The following WNT5B variants were observed in gnomAD, a reference collection of about 807,000 sequenced individuals.
The protein encoded by WNT5B is Wnt family member 5B.
Under a neutral mutation model 36.5 loss-of-function variants are expected in WNT5B, and 18 were observed. The observed-to-expected ratio is 0.49, with a 90% confidence interval of 0.34 to 0.73. WNT5B has a LOEUF of 0.73. Among genes scored for constraint, WNT5B ranks in the 30% least tolerant of loss-of-function variants. The pLI, the probability that WNT5B is intolerant of heterozygous loss-of-function variation, is 0.01. For missense variants in WNT5B, 424 were observed against 508.4 expected, an observed-to-expected ratio of 0.83 and a Z score of 1.60; for synonymous variants, 213 against 212.3, an observed-to-expected ratio of 1.00 and a Z score of -0.03.
chr12:1,636,785 G>A (rs1159042836), intron 3 of WNT5B, among the ~76,000 whole-genome samples: 2 of 150,622 alleles, frequency 1.3e-5, no homozygotes, highest in African/African-American at 2.4e-5. Context: ...GTGTGATCTC[G>A]GCTCACTGCA....
chr12:1,629,101 G>A (rs989596146), upstream of WNT5B: 1 of 152,154 alleles, frequency 6.6e-6, no homozygotes, highest in African/African-American at 2.4e-5. Flanking sequence ...AAAGCCCGGG[G>A]CGGGGGATGG....
At chr12:1,639,433 G>T (rs1251654952) in intron 3 of WNT5B, among the ~76,000 whole-genome samples, 1 of 152,082 alleles carries the variant, frequency 6.6e-6, no homozygotes, top group Non-Finnish European at 1.5e-5. Flanking sequence ...CACCGCGCCG[G>T]GCCAGGGACT....
chr12:1,630,370 T>C lies in WNT5B; in HGVS notation c.-57-928T>C, dbSNP rs2154439517. ...CTGACCTGCTGCGGGTCCCAGGGCC[T>C]GGGGACAGGGGCTCTCGGGGGCGGA... On this transcript the variant is annotated intron_variant, in intron 1 of 4. Transcript: ENST00000397196. The surrounding 1 kb of genome is among the most constrained non-coding windows in gnomAD (Gnocchi z 5.3). The C allele has an allele frequency of 4.7e-6, 2 of 428,694 alleles. No homozygotes were observed. Among genetic ancestry groups the C allele is most frequent in the Non-Finnish European group, 6.2e-6 (2 of 322,028 alleles). The allele number at this position is 428,694 out of a possible 1,614,324, so 26.6% of individuals were successfully genotyped here.
In WNT5B at chr12:1,646,298, G is replaced by A. The variant is rs1565614548; in HGVS notation, c.*46G>A. 2 of 1,466,700 alleles carry A rather than the reference G, an allele frequency of 1.4e-6. No individual in the cohort carries two copies. The highest frequency in any genetic ancestry group is 1.4e-5 in the African/African-American group (1 of 69,910). 90.9% of individuals were successfully genotyped at this position (1,466,700 alleles called of 1,614,324 possible). On this transcript the variant is annotated 3_prime_UTR_variant, in exon 5 of 5. Transcript: ENST00000397196. ...CCCCCCTGCACTCTGCCTCACAAAG[G>A]TCTATATTATATAAATCTATATAAA... is the stretch of plus-strand genomic sequence containing the variant.
rs1462021326 is a variant in WNT5B, at chr12:1,633,017, GCT to G, written c.328+119_328+120del. ...GAGAGCCCAAAGGCAGCCTAAGTGG[GCT>G]CTCTCTAGGCTTGGCAGCAGTGTGC... On this transcript the variant is annotated intron_variant, in intron 3 of 4. Transcript: ENST00000397196. This position sits in a 1 kb window ranked among gnomAD's most constrained non-coding sequence, Gnocchi z 4.8. 6.9e-7 allele frequency: 1 copy of G among 1,457,976 alleles called. No individual in the cohort carries two copies. Among genetic ancestry groups the G allele is most frequent in the Non-Finnish European group, 9.1e-7 (1 of 1,093,838 alleles). 90.3% of individuals were successfully genotyped at this position (1,457,976 alleles called of 1,614,324 possible). A position where few individuals can be genotyped will look rare whatever the true frequency, so the allele number is the denominator to read the frequency against.
intron 1 of WNT5B, among the ~76,000 whole-genome samples, chr12:1,617,436 A>G (rs1314534980): frequency 6.6e-6 from 1 of 151,652 alleles, no homozygotes; most frequent in Non-Finnish European, 1.5e-5. Flanking sequence ...GGAGTTCAAG[A>G]CTAGTCTGGG....
At position 1,636,497 on chromosome 12, in the gene WNT5B, CTATATATATATATATATATATATATA is replaced by C. The variant is rs56095993; in HGVS notation, c.329-3168_329-3143del. On this transcript the variant is annotated intron_variant, in intron 3 of 4. Coordinates refer to ENST00000397196, the MANE Select transcript of WNT5B (RefSeq NM_032642.3). ...TTTAAAGGTTCATCTGTGTTGCAGT[CTATATATATATATATATATATATATA>C]TATATATATATATATATACTTTTTT... is the stretch of plus-strand genomic sequence containing the variant. Among the ~76,000 whole-genome samples the C allele has an allele frequency of 4.1e-4, 33 of 81,122 alleles. 1 individual carries two copies. The highest frequency in any genetic ancestry group is 2.8e-3 in the South Asian group (6 of 2,118). 53.2% of individuals were successfully genotyped at this position (81,122 alleles called of 152,430 possible).
In WNT5B at chr12:1,639,670, GCC is replaced by G. The variant is rs2094570332; in HGVS notation, c.329-13_329-12del. The G allele has an allele frequency of 1.3e-6, 2 of 1,526,474 alleles. No individual in the cohort carries two copies. Among genetic ancestry groups the G allele is most frequent in the African/African-American group, 2.8e-5 (2 of 71,600 alleles). The allele number at this position is 1,526,474 out of a possible 1,614,324, so 94.6% of individuals were successfully genotyped here. A position where few individuals can be genotyped will look rare whatever the true frequency, so the allele number is the denominator to read the frequency against. Reference sequence around the variant, plus strand: ...GAGAGCGCACCCGCTTACCGCCCTGGCCTCATTCTGCAGGCAGCCGAGAGACC... The same window carrying G: ...GAGAGCGCACCCGCTTACCGCCCTGGTCATTCTGCAGGCAGCCGAGAGACC... On this transcript the variant is annotated splice_polypyrimidine_tract_variant and intron_variant, in intron 3 of 4. Coordinates refer to ENST00000397196, the MANE Select transcript of WNT5B (RefSeq NM_032642.3).
Position 1,633,083 on chromosome 12 carries a change from G to C in WNT5B, c.328+178G>C, listed in dbSNP as rs79248361. On this transcript the variant is annotated intron_variant, in intron 3 of 4. Coordinates refer to ENST00000397196, the MANE Select transcript of WNT5B (RefSeq NM_032642.3). The surrounding 1 kb of genome is among the most constrained non-coding windows in gnomAD (Gnocchi z 4.8). Reference sequence around the variant, plus strand: ...CACACGAGGAAGCAGGCTCTGGGAGGCTGCAGAAACCACACGCTTGATGTT... The same window carrying C: ...CACACGAGGAAGCAGGCTCTGGGAGCCTGCAGAAACCACACGCTTGATGTT... Among the ~76,000 whole-genome samples the C allele has an allele frequency of 6.6e-6, 1 of 152,170 alleles. No homozygotes were observed. The highest frequency in any genetic ancestry group is 6.5e-5 in the Admixed American group (1 of 15,282).
intron 4 of WNT5B, among the ~76,000 whole-genome samples, chr12:1,643,609 G>A (rs369344328): frequency 2.7e-5 from 4 of 148,572 alleles, no homozygotes; most frequent in East Asian, 2.0e-4. Flanking sequence ...CAGGTGATCC[G>A]CCCGCCTTGG....
chr12:1,626,843 T>G (rs34211465), upstream of WNT5B, among the ~76,000 whole-genome samples: 18,570 of 151,982 alleles, frequency 0.12, 1,334 homozygotes, highest in African/African-American at 0.2. Flanking sequence ...GGGGTTACAG[T>G]TGTGAGCCAC....
intron 3 of WNT5B, among the ~76,000 whole-genome samples, chr12:1,639,249 T>A (rs936108395): frequency 2.0e-5 from 3 of 151,328 alleles, no homozygotes; most frequent in Non-Finnish European, 4.4e-5. Flanking sequence ...GCCATTCTCC[T>A]GCCTCAGCCT....
At position 1,623,187 on chromosome 12, in the gene WNT5B, G is replaced by GTTTTTTTTTTTTTTTTTTTTTTT. The variant is rs771500550; in HGVS notation, c.-58+6048_-58+6070dup. On this transcript the variant is annotated intron_variant, in intron 1 of 4. Coordinates refer to the WNT5B transcript ENST00000310594. ...GGAAACCTTTGAAGGGTTTTTTGTT[G>GTTTTTTTTTTTTTTTTTTTTTTT]TTTTTTTTTTTTTTTTTTTTTTTTT... 1.5e-4 allele frequency among the ~76,000 whole-genome samples: 9 copies of GTTTTTTTTTTTTTTTTTTTTTTT among 58,380 alleles called. 1 individual carries two copies. Among genetic ancestry groups the GTTTTTTTTTTTTTTTTTTTTTTT allele is most frequent in the African/African-American group, 5.0e-4 (7 of 13,900 alleles). The allele number at this position is 58,380 out of a possible 152,430, so 38.3% of individuals were successfully genotyped here. A position where few individuals can be genotyped will look rare whatever the true frequency, so the allele number is the denominator to read the frequency against.
At position 1,630,505 on chromosome 12, in the gene WNT5B, T is replaced by C. The variant is rs2094548515; in HGVS notation, c.-57-793T>C. Among the ~76,000 whole-genome samples the C allele has an allele frequency of 6.6e-6, 1 of 151,980 alleles. No individual in the cohort carries two copies. Among genetic ancestry groups the C allele is most frequent in the Non-Finnish European group, 1.5e-5 (1 of 67,958 alleles). ...GAAGATGCGTCCTCAGCTCAGGCAT[T>C]TGATGCCAGAGCTGCCGCCTGGCGT... On this transcript the variant is annotated intron_variant, in intron 1 of 4. Coordinates refer to ENST00000397196, the MANE Select transcript of WNT5B (RefSeq NM_032642.3). The surrounding 1 kb of genome is among the most constrained non-coding windows in gnomAD (Gnocchi z 5.3).
upstream of WNT5B, among the ~76,000 whole-genome samples, chr12:1,626,665 C>T (rs193048284): frequency 2.4e-4 from 36 of 150,942 alleles, no homozygotes; most frequent in Admixed American, 1.2e-3. Flanking sequence ...CCCAGGTTCA[C>T]GCCATTCTCC....
At chr12:1,645,736 C>T in intron 4 of WNT5B, 58 bp from the exon 5 acceptor site, 3 of 1,508,604 alleles carry the variant, frequency 2.0e-6, no homozygotes, top group Admixed American at 2.1e-5. Flanking sequence ...CCCCAGCCAC[C>T]CTCTGGGCCT....
At chr12:1,620,545 T>G (rs1262292935) in intron 1 of WNT5B, among the ~76,000 whole-genome samples, 1 of 137,628 alleles carries the variant, frequency 7.3e-6, no homozygotes, top group Middle Eastern at 3.5e-3. Context: ...TTTGTTGTTG[T>G]TTTTTTTTTT....
chr12:1,625,617 TTA>T (rs1386281882), upstream of WNT5B, among the ~76,000 whole-genome samples: 3 of 152,220 alleles, frequency 2.0e-5, no homozygotes, highest in Non-Finnish European at 4.4e-5. Context: ...GTTTACCCTG[TTA>T]TGCCAGGAAT....
intron 3 of WNT5B, among the ~76,000 whole-genome samples, chr12:1,638,102 G>A (rs2094565676): frequency 6.6e-6 from 1 of 152,190 alleles, no homozygotes; most frequent in Non-Finnish European, 1.5e-5. Context: ...CAAAAAATTA[G>A]CTGGGCGCAG....
Sources: allele counts gnomAD v4.1 joint callset (sites outside exome capture counted in the v4.1 genomes callset), GRCh38; gene constraint gnomAD v4.1.1; non-coding constraint Gnocchi (gnomAD v3.1); transcripts MANE v1.5; gene names NCBI Gene and HGNC (gene_info 2026-07-23, HGNC 2026-07-21).